The following TBL1XR1 variants were observed in gnomAD, a reference collection of about 807,000 sequenced individuals.
The protein encoded by TBL1XR1 is F-box-like/WD repeat-containing protein TBL1XR1.
In TBL1XR1, 5 loss-of-function variants were observed where a neutral mutation model predicts 66.9. The observed-to-expected ratio is 0.07, with a 90% CI of 0.04 to 0.16. The LOEUF is 0.16. Among genes scored for constraint, TBL1XR1 ranks in the 10% least tolerant of loss-of-function variants. TBL1XR1 has a pLI of 1.00. For synonymous variants in TBL1XR1, 210 were observed against 206.0 expected (o/e 1.02, Z -0.17); for missense variants, 238 against 623.2 (o/e 0.38, Z 6.58).
At chr3:177,047,165 G>C (rs1346393299) in intron 9 of TBL1XR1, 135 bp downstream of exon 9, 3 of 687,898 alleles carry the variant, frequency 4.4e-6, no homozygotes, top group Admixed American at 2.9e-5. Context: ...ATAGACCTAA[G>C]GAGTATTTCT....
chr3:177,138,187 C>A (rs1219791576), intron 1 of TBL1XR1, among the ~76,000 whole-genome samples: 1 of 152,174 alleles, frequency 6.6e-6, no homozygotes, highest in East Asian at 1.9e-4. Flanking sequence ...TTCATCAGGG[C>A]ACTGCATTAC....
At chr3:177,042,920 A>T (rs1019059622) in intron 10 of TBL1XR1, among the ~76,000 whole-genome samples, 21 of 152,234 alleles carry the variant, frequency 1.4e-4, no homozygotes, top group African/African-American at 5.1e-4. Context: ...TTTTAAAAAA[A>T]AAAGCCTTTA....
chr3:177,142,062 AG>A (rs1729695674), intron 1 of TBL1XR1, among the ~76,000 whole-genome samples: 1 of 152,224 alleles, frequency 6.6e-6, no homozygotes, highest in Admixed American at 6.5e-5. Flanking sequence ...AGGAATGAGA[AG>A]AAGTTGCTTA....
intron 1 of TBL1XR1, among the ~76,000 whole-genome samples, chr3:177,108,907 T>C (rs911512503): frequency 1.3e-5 from 2 of 152,160 alleles, no homozygotes; most frequent in Admixed American, 1.3e-4. Context: ...TACTAGCTAA[T>C]GTTCACCAAG....
chr3:177,159,901 A>T (rs1016383746), intron 1 of TBL1XR1, among the ~76,000 whole-genome samples: 3 of 152,166 alleles, frequency 2.0e-5, no homozygotes, highest in Non-Finnish European at 4.4e-5. Flanking sequence ...TTTGTTTAAA[A>T]ATTTTTTAAG....
chr3:177,095,206 TA>T (rs1185609819), intron 2 of TBL1XR1, among the ~76,000 whole-genome samples: 3 of 151,880 alleles, frequency 2.0e-5, no homozygotes, highest in Non-Finnish European at 2.9e-5. Flanking sequence ...GAGGACGGGC[TA>T]GGGGGAGAGG....
intron 2 of TBL1XR1, among the ~76,000 whole-genome samples, chr3:177,071,031 G>GGTTTTT (rs1719913852): frequency 9.5e-6 from 1 of 104,716 alleles, no homozygotes; most frequent in African/African-American, 3.9e-5. Flanking sequence ...CTGAGAATCT[G>GGTTTTT]TTTTTTTTTT....
chr3:177,141,222 A>G (rs1729591294), intron 1 of TBL1XR1, among the ~76,000 whole-genome samples: 1 of 152,214 alleles, frequency 6.6e-6, no homozygotes, highest in Admixed American at 6.5e-5. Flanking sequence ...GGATGGGGGA[A>G]AAAGATCTTA....
chr3:177,046,796 T>G (rs557625632), intron 9 of TBL1XR1, among the ~76,000 whole-genome samples: 2 of 152,144 alleles, frequency 1.3e-5, no homozygotes, highest in Admixed American at 6.6e-5. Context: ...CCACACTCAA[T>G]TATTAGCATG....
chr3:177,171,580 G>A (rs183584821), intron 1 of TBL1XR1, among the ~76,000 whole-genome samples: 1 of 151,548 alleles, frequency 6.6e-6, no homozygotes, highest in Non-Finnish European at 1.5e-5. Context: ...GCGGGCGCCT[G>A]TAGTCCCAGC....
At chr3:177,122,723 G>C (rs1727125082) in intron 1 of TBL1XR1, among the ~76,000 whole-genome samples, 1 of 152,088 alleles carries the variant, frequency 6.6e-6, no homozygotes, top group Admixed American at 6.6e-5. Context: ...TTAAACAGTG[G>C]AGATAGCTGC....
intron 1 of TBL1XR1, among the ~76,000 whole-genome samples, chr3:177,176,175 G>C (rs1459283969): frequency 1.3e-5 from 2 of 151,864 alleles, no homozygotes; most frequent in Non-Finnish European, 2.9e-5. Context: ...AAGTTGTTCA[G>C]AATATGTAAC....
At chr3:177,032,738 TG>T (rs1714178830) in intron 14 of TBL1XR1, 2 of 338,696 alleles carry the variant, frequency 5.9e-6, no homozygotes, top group African/African-American at 4.2e-5. Context: ...GCAAAACCGT[TG>T]GAAAAAAACA....
intron 14 of TBL1XR1, among the ~76,000 whole-genome samples, chr3:177,030,679 A>G (rs1401094839): frequency 3.3e-5 from 5 of 152,230 alleles, no homozygotes; most frequent in Non-Finnish European, 5.9e-5. Flanking sequence ...TATGAGTGTT[A>G]TATTATTTTC....
intron 1 of TBL1XR1, among the ~76,000 whole-genome samples, chr3:177,185,076 ATTT>A (rs549114520): frequency 6.6e-6 from 1 of 151,400 alleles, no homozygotes; most frequent in African/African-American, 2.4e-5. Context: ...CGATTTTTCA[ATTT>A]TTTTTTCAAA....
intron 1 of TBL1XR1, among the ~76,000 whole-genome samples, chr3:177,145,741 A>G (rs1432252420): frequency 6.6e-6 from 1 of 152,210 alleles, no homozygotes; most frequent in Non-Finnish European, 1.5e-5. Context: ...TCAAATAATA[A>G]AGTTTTGGTC....
intron 1 of TBL1XR1, among the ~76,000 whole-genome samples, chr3:177,172,647 GAA>G (rs1491307467): frequency 4.2e-5 from 5 of 118,900 alleles, no homozygotes; most frequent in East Asian, 4.1e-4. Context: ...GAGAGAGAGA[GAA>G]AGAGAGAGAG....
intron 1 of TBL1XR1, among the ~76,000 whole-genome samples, chr3:177,187,222 T>G (rs1396787537): frequency 1.3e-5 from 2 of 148,584 alleles, no homozygotes; most frequent in African/African-American, 5.0e-5. Context: ...GGCAAAACCC[T>G]ATCTCTACTA....
intron 1 of TBL1XR1, among the ~76,000 whole-genome samples, chr3:177,189,427 T>G (rs1168412178): frequency 1.3e-5 from 2 of 151,198 alleles, no homozygotes; most frequent in African/African-American, 4.9e-5. Context: ...CCAAGGTGGG[T>G]GGATCACCTG....
Sources: allele counts gnomAD v4.1 joint callset (sites outside exome capture counted in the v4.1 genomes callset), GRCh38; gene constraint gnomAD v4.1.1; transcripts MANE v1.5; gene names NCBI Gene and HGNC (gene_info 2026-07-23, HGNC 2026-07-21).